The following TBC1D22A variants were observed in gnomAD, a reference collection of about 807,000 sequenced individuals.
TBC1D22A encodes the protein putative GTPase activator.
A neutral mutation model predicts 60.2 loss-of-function variants in TBC1D22A; 38 were observed. The observed-to-expected ratio is 0.63, with a 90% confidence interval of 0.49 to 0.83. TBC1D22A has a LOEUF of 0.83. TBC1D22A is among the 40% of genes least tolerant of loss of function. The pLI is 0.00. For synonymous variants in TBC1D22A, 302 were observed against 281.7 expected, an observed-to-expected ratio of 1.07 and a Z score of -0.72; for missense variants, 628 against 701.0, an observed-to-expected ratio of 0.90 and a Z score of 1.18.
intron 12 of TBC1D22A, among the ~76,000 whole-genome samples, chr22:47,133,790 C>T (rs2066765166): frequency 6.6e-6 from 1 of 152,200 alleles, no homozygotes; most frequent in Non-Finnish European, 1.5e-5. Context: ...ATACGTCATG[C>T]CAATACTTCA....
At chr22:46,878,347 A>AGGGAGAGAAGGAGGT (rs1491482215) in intron 4 of TBC1D22A, among the ~76,000 whole-genome samples, 1 of 11,526 alleles carries the variant, frequency 8.7e-5, no homozygotes, top group African/African-American at 2.8e-4. Flanking sequence ...GGTGGGAGGG[A>AGGGAGAGAAGGAGGT]AGGAGGCCAG....
At chr22:46,863,463 C>T (rs1407191417) in intron 4 of TBC1D22A, among the ~76,000 whole-genome samples, 1 of 152,188 alleles carries the variant, frequency 6.6e-6, no homozygotes, top group African/African-American at 2.4e-5. Flanking sequence ...GCAGTGAGCT[C>T]AGAGCCCTGC....
chr22:46,977,110 G>A (rs2074330031), intron 9 of TBC1D22A, among the ~76,000 whole-genome samples: 1 of 152,220 alleles, frequency 6.6e-6, no homozygotes, highest in Non-Finnish European at 1.5e-5. Context: ...CCCAGGTGAC[G>A]TGGCTTGTAT....
intron 12 of TBC1D22A, among the ~76,000 whole-genome samples, chr22:47,164,743 G>A (rs2068130904): frequency 6.6e-6 from 1 of 152,238 alleles, no homozygotes; most frequent in South Asian, 2.1e-4. Context: ...TCGCTCCGCT[G>A]GCAGCGCTGA....
At chr22:46,904,138 T>TACCTACCTAC (rs2069242058) in intron 7 of TBC1D22A, among the ~76,000 whole-genome samples, 21 of 55,324 alleles carry the variant, frequency 3.8e-4, no homozygotes, top group African/African-American at 1.3e-3. Context: ...TATCTATCTA[T>TACCTACCTAC]CTATCTACCT....
intron 11 of TBC1D22A, among the ~76,000 whole-genome samples, chr22:47,054,018 G>A (rs1569395316): frequency 1.3e-5 from 2 of 152,154 alleles, no homozygotes; most frequent in Non-Finnish European, 2.9e-5. Flanking sequence ...ATCCGGCTTC[G>A]AAGGGACAGA....
At chr22:46,999,460 A>G (rs535800134) in intron 10 of TBC1D22A, among the ~76,000 whole-genome samples, 3 of 152,284 alleles carry the variant, frequency 2.0e-5, no homozygotes, top group Admixed American at 6.5e-5. Context: ...AGGAATTTCT[A>G]TCATGGCCTC....
chr22:46,898,850 C>T (rs2068827649), intron 7 of TBC1D22A, among the ~76,000 whole-genome samples: 2 of 152,134 alleles, frequency 1.3e-5, no homozygotes, highest in Admixed American at 1.3e-4. Context: ...TTTGCATGGC[C>T]CAGGTCCCAG....
chr22:46,783,653 A>AT (rs57696906), intron 1 of TBC1D22A, among the ~76,000 whole-genome samples: 3 of 151,712 alleles, frequency 2.0e-5, no homozygotes, highest in Non-Finnish European at 2.9e-5. Flanking sequence ...CATTTAAAAA[A>AT]TTTTTTTAAA....
At chr22:47,039,158 A>G (rs974527143) in intron 11 of TBC1D22A, among the ~76,000 whole-genome samples, 2 of 152,226 alleles carry the variant, frequency 1.3e-5, no homozygotes, top group Admixed American at 1.3e-4. Context: ...CCTAATAGGT[A>G]TTAAAACTTT....
intron 11 of TBC1D22A, among the ~76,000 whole-genome samples, chr22:47,098,919 G>A (rs2065297400): frequency 6.6e-6 from 1 of 152,188 alleles, no homozygotes; most frequent in Non-Finnish European, 1.5e-5. Context: ...GCAGGCGTAG[G>A]GGGCAGTCAG....
intron 4 of TBC1D22A, among the ~76,000 whole-genome samples, chr22:46,835,220 A>C (rs2086466502): frequency 6.6e-6 from 1 of 152,252 alleles, no homozygotes; most frequent in Non-Finnish European, 1.5e-5. Flanking sequence ...TTAACATGAA[A>C]AGTCAGGGAA....
chr22:47,094,412 AC>A (rs2065093454), intron 11 of TBC1D22A, among the ~76,000 whole-genome samples: 1 of 152,128 alleles, frequency 6.6e-6, no homozygotes, highest in South Asian at 2.1e-4. Context: ...GCCTTCATAG[AC>A]AGAGACTGGC....
chr22:47,093,241 G>A lies in TBC1D22A; in HGVS notation c.1330-18267G>A, dbSNP rs114887938. On this transcript the variant is annotated intron_variant, in intron 11 of 12. Transcript: ENST00000337137. Reference sequence around the variant, plus strand: ...AGCCGCCTCCCTGATGTGTCTTGGCGGCCAGCAGGCCCTGTGATCCTGCGC... The same window carrying A: ...AGCCGCCTCCCTGATGTGTCTTGGCAGCCAGCAGGCCCTGTGATCCTGCGC... Among the ~76,000 whole-genome samples the A allele has an allele frequency of 8.4e-3, 1,272 of 152,284 alleles. 19 individuals are homozygous for A. The highest frequency in any genetic ancestry group is 0.029 in the African/African-American group (1,220 of 41,542).
At position 46,793,783 on chromosome 22, in the gene TBC1D22A, C is replaced by G. The variant is rs775180897; in HGVS notation, c.402C>G (p.Pro134=). ...CCGAGGCAGAGCCGCCCTCACCCCC[C>G]AGCGGCGACCTCCGGCTGGTGAAGT... ...PRPEAEPPSP[P]SGDLRLVKSV... Residue 134 remains proline (P), a synonymous_variant, in exon 3 of 13, where the codon CCC becomes CCG. Coordinates refer to ENST00000337137, the MANE Select transcript of TBC1D22A (RefSeq NM_014346.5). 5.4e-5 allele frequency: 87 copies of G among 1,601,256 alleles called. No individual in the cohort carries two copies. The highest frequency in any genetic ancestry group is 1.1e-4 in the East Asian group (5 of 44,248).
chr22:47,063,325 G>A (rs1436934295), intron 11 of TBC1D22A, among the ~76,000 whole-genome samples: 5 of 152,200 alleles, frequency 3.3e-5, no homozygotes. Context: ...CACCCAGCAG[G>A]AGCGGTCTGA....
intron 4 of TBC1D22A, among the ~76,000 whole-genome samples, chr22:46,807,215 C>G (rs1410046866): frequency 6.6e-6 from 1 of 151,738 alleles, no homozygotes; most frequent in Non-Finnish European, 1.5e-5. Flanking sequence ...CAGGATTGTT[C>G]TCCTTCTTTA....
intron 4 of TBC1D22A, among the ~76,000 whole-genome samples, chr22:46,815,547 CA>C (rs2085558501): frequency 6.6e-6 from 1 of 152,254 alleles, no homozygotes; most frequent in Non-Finnish European, 1.5e-5. Context: ...GCAGTTCTAA[CA>C]AGACGGTGCC....
rs577604604 is a variant in TBC1D22A at position 46,877,489 on chromosome 22, A to G, written c.638-1164A>G. On this transcript the variant is annotated intron_variant, in intron 4 of 12. Transcript: ENST00000337137. ...GGTAAACATTACATTATTGGTGTTCAGATATGAGGTTCCTGCTTTTCATAA... is the reference window on the plus strand; with the variant it reads ...GGTAAACATTACATTATTGGTGTTCGGATATGAGGTTCCTGCTTTTCATAA... Among the ~76,000 whole-genome samples the G allele has an allele frequency of 2.6e-5, 4 of 152,328 alleles. No individual in the cohort carries two copies. The South Asian group carries it at 8.3e-4, about 32-fold the overall frequency.
Sources: gnomAD v4.1 joint callset for allele counts (sites outside exome capture counted in the v4.1 genomes callset) on GRCh38, gnomAD v4.1.1 for gene constraint, MANE v1.5 for transcripts, NCBI Gene and HGNC (gene_info 2026-07-23, HGNC 2026-07-21) for gene names.